RALGAPA2: variants seen among roughly 807,000 people sequenced by gnomAD.
The protein encoded by RALGAPA2 is Ral GTPase activating protein catalytic subunit alpha 2, also known as ral GTPase-activating protein subunit alpha-2.
A neutral mutation model predicts 230.4 loss-of-function variants in RALGAPA2; 139 were observed. The ratio of observed to expected loss-of-function variants is 0.60; its 90% CI spans 0.53 to 0.69. RALGAPA2 has a LOEUF of 0.69. Among genes scored for constraint, RALGAPA2 ranks in the 30% least tolerant of loss-of-function variants. The probability of loss-of-function intolerance (pLI) is 0.00; values close to 1 mark genes in which losing one functional copy is unlikely to be tolerated. For synonymous variants in RALGAPA2, 847 were observed against 837.8 expected (o/e 1.01, Z -0.19); for missense variants, 2,163 against 2,276.0 (o/e 0.95, Z 1.01).
chr20:20,414,694 T>C (rs2122795147), intron 37 of RALGAPA2, among the ~76,000 whole-genome samples: 1 of 152,320 alleles, frequency 6.6e-6, no homozygotes, highest in East Asian at 1.9e-4. Flanking sequence ...TGAATATTTA[T>C]GGTCTGACTC....
intron 24 of RALGAPA2, among the ~76,000 whole-genome samples, chr20:20,539,872 T>C (rs2063597827): frequency 6.6e-6 from 1 of 152,234 alleles, no homozygotes; most frequent in African/African-American, 2.4e-5. Flanking sequence ...AGTATTTATC[T>C]TTCTGAGCTT....
chr20:20,500,789 T>C (rs1005191365), intron 35 of RALGAPA2, among the ~76,000 whole-genome samples: 12 of 152,214 alleles, frequency 7.9e-5, no homozygotes, highest in African/African-American at 2.9e-4. Flanking sequence ...ATGACAGCCA[T>C]AGCCTTATGA....
chr20:20,461,625 C>A (rs1367862724), intron 37 of RALGAPA2, among the ~76,000 whole-genome samples: 2 of 152,208 alleles, frequency 1.3e-5, no homozygotes, highest in African/African-American at 4.8e-5. Context: ...TCTATTCTGT[C>A]CATCTGTTTT....
At chr20:20,632,506 C>T (rs548854100) in intron 9 of RALGAPA2, among the ~76,000 whole-genome samples, 1 of 152,314 alleles carries the variant, frequency 6.6e-6, no homozygotes, top group African/African-American at 2.4e-5. Context: ...GAATGAGCTA[C>T]TTATTTTCAA....
In RALGAPA2 at chr20:20,399,184, A is replaced by G. The variant is rs1273885353; in HGVS notation, c.5618-2450T>C. Among the ~76,000 whole-genome samples, 5 of 152,074 alleles carry G rather than the reference A, an allele frequency of 3.3e-5. No individual in the cohort carries two copies. In the East Asian group the frequency reaches 9.7e-4, roughly 29 times the overall value. ...ACATGATGAAATCCTGTCTCTACTA[A>G]AAATACCAAAAAATCAGCTGGGTGT... is the stretch of plus-strand genomic sequence containing the variant. On this transcript the variant is annotated intron_variant, in intron 38 of 39. Transcript: ENST00000202677.
chr20:20,587,376 G>A (rs997977157), intron 18 of RALGAPA2, among the ~76,000 whole-genome samples: 2 of 151,926 alleles, frequency 1.3e-5, no homozygotes. Context: ...ACATATCTCA[G>A]AAATAGCACA....
rs2059857107 is a variant in RALGAPA2, at chr20:20,402,215, C to A, written c.5618-5481G>T. Among the ~76,000 whole-genome samples, 5 of 152,198 alleles carry A rather than the reference C, an allele frequency of 3.3e-5. 1 individual carries two copies. In the South Asian group the frequency reaches 1.0e-3, roughly 32 times the overall value. On this transcript the variant is annotated intron_variant, in intron 38 of 39. Transcript: ENST00000202677. The stretch of plus-strand genomic sequence containing the variant: ...CCTCAACTGTCAGAGAAATCTTGCC[C>A]CATGGGAGGGGGGACTCTGGGGAAA...
chr20:20,404,296 C>T (rs1363851798), intron 38 of RALGAPA2, among the ~76,000 whole-genome samples: 1 of 152,140 alleles, frequency 6.6e-6, no homozygotes, highest in Non-Finnish European at 1.5e-5. Context: ...ACTTTAAAGG[C>T]TAATGGGCAA....
intron 15 of RALGAPA2, among the ~76,000 whole-genome samples, chr20:20,603,356 A>G (rs565537276): frequency 3.3e-5 from 5 of 152,370 alleles, no homozygotes; most frequent in African/African-American, 1.2e-4. Context: ...CAATGAAGAT[A>G]TAAGAATCCA....
chr20:20,571,668 A>C lies in RALGAPA2; in HGVS notation c.3001-55T>G. On this transcript the variant is annotated intron_variant, in intron 22 of 39. Coordinates refer to ENST00000202677, the MANE Select transcript of RALGAPA2 (RefSeq NM_020343.4). Reference sequence around the variant, plus strand: ...ATCAAGCCCAGGTGCAGAGTATTTCAACATTTCATTTACTTCTCAGTTTTC... The same window carrying C: ...ATCAAGCCCAGGTGCAGAGTATTTCCACATTTCATTTACTTCTCAGTTTTC... The C allele has an allele frequency of 5.1e-6, 8 of 1,559,868 alleles. No homozygotes were observed. In the South Asian group the frequency reaches 8.2e-5, roughly 16 times the overall value.
At chr20:20,442,836 T>C (rs983031583) in intron 37 of RALGAPA2, among the ~76,000 whole-genome samples, 1 of 152,222 alleles carries the variant, frequency 6.6e-6, no homozygotes, top group African/African-American at 2.4e-5. Context: ...CAGAGAAAAA[T>C]TGTGTGATGC....
In RALGAPA2 at chr20:20,521,023, T is replaced by A; in HGVS notation, c.3978A>T (p.Ser1326=). Residue 1326 remains serine, a synonymous_variant, in exon 31 of 40, where the codon TCA becomes TCT. Transcript: ENST00000202677. ...SHYILTLADL[S]STDYDPFLPL... Reference sequence around the variant, plus strand: ...GCAGGAAGGGGTCATAATCCGTGGATGACAAGTCAGCCAGGGTCAGTATGT... The same window carrying A: ...GCAGGAAGGGGTCATAATCCGTGGAAGACAAGTCAGCCAGGGTCAGTATGT... 2 of 1,613,954 alleles carry A rather than the reference T, an allele frequency of 1.2e-6. No homozygotes were observed. Among genetic ancestry groups the A allele is most frequent in the African/African-American group, 2.7e-5 (2 of 75,028 alleles).
At chr20:20,661,091 A>T (rs2067759922) in intron 3 of RALGAPA2, among the ~76,000 whole-genome samples, 1 of 152,256 alleles carries the variant, frequency 6.6e-6, no homozygotes, top group Non-Finnish European at 1.5e-5. Flanking sequence ...ACTGCTTAAA[A>T]TAGTTGAGAA....
At chr20:20,570,681 T>C (rs1486865596) in intron 23 of RALGAPA2, among the ~76,000 whole-genome samples, 1 of 152,224 alleles carries the variant, frequency 6.6e-6, no homozygotes, top group Non-Finnish European at 1.5e-5. Flanking sequence ...TTGTTCTCCA[T>C]CTACAGGCCA....
At chr20:20,404,109 G>A (rs7347175) in intron 38 of RALGAPA2, among the ~76,000 whole-genome samples, 946 of 55,468 alleles carry the variant, frequency 0.017, 8 homozygotes, top group African/African-American at 0.069. Flanking sequence ...CCACAAAATA[G>A]AATAGGGTTT....
chr20:20,573,036 T>C lies in RALGAPA2; in HGVS notation c.2740A>G (p.Ile914Val), dbSNP rs199513403. Residue 914 changes from isoleucine to valine, a missense_variant, in exon 21 of 40, where the codon ATA becomes GTA. Physicochemically the swap from Ile to Val is conservative, Grantham distance 29 (BLOSUM62 3). Coordinates refer to ENST00000202677, the MANE Select transcript of RALGAPA2 (RefSeq NM_020343.4). ...SSECLTDDCS[I>V]IAGGSLTGWH... ...CCAGTGAGGCTCCCCCCGGCGATTA[T>C]ACTACAGTCATCTGTGAGGCACTCG... 5.0e-5 allele frequency: 80 copies of C among 1,609,762 alleles called. No homozygotes were observed. Among genetic ancestry groups the C allele is most frequent in the Non-Finnish European group, 6.0e-5 (71 of 1,178,002 alleles).
At chr20:20,628,962 C>T (rs2066580470) in intron 10 of RALGAPA2, among the ~76,000 whole-genome samples, 1 of 152,208 alleles carries the variant, frequency 6.6e-6, no homozygotes, top group South Asian at 2.1e-4. Context: ...AAACCTCCAG[C>T]TCCTCAGAGA....
At chr20:20,551,810 G>A (rs533686987) in intron 23 of RALGAPA2, among the ~76,000 whole-genome samples, 3 of 152,238 alleles carry the variant, frequency 2.0e-5, no homozygotes, top group Non-Finnish European at 4.4e-5. Flanking sequence ...CCTTTAGAGC[G>A]ATAAATGTGT....
At chr20:20,575,200 T>G (rs2064779746) in intron 20 of RALGAPA2, among the ~76,000 whole-genome samples, 1 of 152,140 alleles carries the variant, frequency 6.6e-6, no homozygotes, top group Non-Finnish European at 1.5e-5. Flanking sequence ...CCAGACATAT[T>G]TGAATGCCAT....
Sources: allele counts gnomAD v4.1 joint callset (sites outside exome capture counted in the v4.1 genomes callset), GRCh38; gene constraint gnomAD v4.1.1; transcripts MANE v1.5; gene names NCBI Gene and HGNC (gene_info 2026-07-23, HGNC 2026-07-21).